Variants in MYO16 observed in about 807,000 individuals in gnomAD.
MYO16 encodes the protein unconventional myosin-XVI.
MYO16 carries 94 observed loss-of-function variants against 205.3 expected under a neutral mutation model. The observed-to-expected ratio is 0.46, with a 90% confidence interval of 0.39 to 0.54. The LOEUF is 0.54. Among genes scored for constraint, MYO16 ranks in the 20% least tolerant of loss-of-function variants. The pLI, the probability that MYO16 is intolerant of heterozygous loss-of-function variation, is 0.00. For missense variants in MYO16, 2,315 were observed against 2,387.5 expected, an observed-to-expected ratio of 0.97 and a Z score of 0.63; for synonymous variants, 988 against 954.0, an observed-to-expected ratio of 1.04 and a Z score of -0.66.
In MYO16 at chr13:109,178,140, G is replaced by A. The variant is rs527757898; in HGVS notation, c.5324-1402G>A. On this transcript the variant is annotated intron_variant, in intron 33 of 34. Transcript: ENST00000457511. Reference sequence around the variant, plus strand: ...ATCTTGGATTGACACACTCCCTTCCGCCTGTGTGAATTTCAGGCTGCTCTG... The same window carrying A: ...ATCTTGGATTGACACACTCCCTTCCACCTGTGTGAATTTCAGGCTGCTCTG... Among the ~76,000 whole-genome samples, 6 of 152,050 alleles carry A rather than the reference G, an allele frequency of 3.9e-5. No individual in the cohort carries two copies. In the East Asian group the frequency reaches 5.8e-4, roughly 15 times the overall value.
chr13:108,554,665 C>A, the MYO16 span, among the ~76,000 whole-genome samples: 11 of 151,994 alleles, frequency 7.2e-5, no homozygotes, highest in African/African-American at 2.4e-4. Context: ...CTGGCTAACA[C>A]GGTGAAACCC....
chr13:108,567,550 C>T, the MYO16 span, among the ~76,000 whole-genome samples: 2 of 152,192 alleles, frequency 1.3e-5, no homozygotes, highest in South Asian at 4.2e-4. Flanking sequence ...AACAGAACCA[C>T]AAAGAGGATA....
intron 4 of MYO16, among the ~76,000 whole-genome samples, chr13:108,769,246 A>G (rs1249928465): frequency 6.6e-6 from 1 of 152,194 alleles, no homozygotes; most frequent in Non-Finnish European, 1.5e-5. Context: ...GCTGTAAAGG[A>G]ACAAGCAATT....
chr13:108,771,380 T>C (rs1343058665), intron 4 of MYO16, among the ~76,000 whole-genome samples: 2 of 152,112 alleles, frequency 1.3e-5, no homozygotes, highest in Non-Finnish European at 2.9e-5. Flanking sequence ...ACAGCAAAAT[T>C]TGAGAGAAAT....
At chr13:108,587,501 GA>G in the MYO16 span, among the ~76,000 whole-genome samples, 3 of 152,130 alleles carry the variant, frequency 2.0e-5, no homozygotes, top group African/African-American at 7.2e-5. Context: ...TGTTATGTCA[GA>G]AATGTTATTC....
At chr13:108,868,306 TG>T (rs1456107721) in intron 12 of MYO16, among the ~76,000 whole-genome samples, 5 of 152,322 alleles carry the variant, frequency 3.3e-5, no homozygotes, top group Admixed American at 1.3e-4. Context: ...ATATTTCATT[TG>T]TTTACTTATC....
chr13:108,773,069 G>C lies in MYO16; in HGVS notation c.508-12566G>C, dbSNP rs185263122. ...CTAGTCTTCATAGTTGGCTATCTTC[G>C]TACTGTATCCTTACATGGTAGAAAA... On this transcript the variant is annotated intron_variant, in intron 4 of 34. Coordinates refer to ENST00000457511, the MANE Select transcript of MYO16 (RefSeq NM_001198950.3). Among the ~76,000 whole-genome samples, 17 of 152,218 alleles carry C rather than the reference G, an allele frequency of 1.1e-4. No homozygotes were observed. The East Asian group carries it at 3.1e-3, about 28-fold the overall frequency.
Position 109,055,368 on chromosome 13 carries a change from T to G in MYO16, c.3130-22T>G. On this transcript the variant is annotated intron_variant, in intron 26 of 34. Transcript: ENST00000457511. The surrounding 1 kb of genome is among the most constrained non-coding windows in gnomAD (Gnocchi z 5.0). ...CTAGTGTCTCCTTTGGAGAATCAGT[T>G]GGGTTCTACTTCTCTCCTTAGAAAT... The G allele has an allele frequency of 6.4e-7, 1 of 1,570,914 alleles. No homozygotes were observed. The highest frequency in any genetic ancestry group is 8.7e-7 in the Non-Finnish European group (1 of 1,145,432).
At chr13:108,922,210 A>G (rs1881775832) in intron 16 of MYO16, among the ~76,000 whole-genome samples, 2 of 152,116 alleles carry the variant, frequency 1.3e-5, no homozygotes, top group South Asian at 2.1e-4. Context: ...ATGAAAATCA[A>G]CCCAGCATTT....
intron 2 of MYO16, among the ~76,000 whole-genome samples, chr13:108,668,202 A>G (rs1025406001): frequency 2.0e-5 from 3 of 152,244 alleles, no homozygotes; most frequent in Admixed American, 6.5e-5. Flanking sequence ...TTCCCCAAAC[A>G]TTCATGTCAT....
the MYO16 span, among the ~76,000 whole-genome samples, chr13:108,499,791 C>G: frequency 6.6e-6 from 1 of 152,092 alleles, no homozygotes; most frequent in Non-Finnish European, 1.5e-5. Flanking sequence ...AATTATGTTT[C>G]TAAAAATAAT....
chr13:108,988,081 C>G (rs919703824), intron 20 of MYO16, among the ~76,000 whole-genome samples: 1 of 152,168 alleles, frequency 6.6e-6, no homozygotes, highest in Non-Finnish European at 1.5e-5. Context: ...TGAAACAGAT[C>G]ATCTAATTCA....
At chr13:108,820,272 G>T in intron 7 of MYO16, 65 bp from the exon 8 acceptor site, 1 of 1,188,522 alleles carries the variant, frequency 8.4e-7, no homozygotes, top group South Asian at 1.3e-5. Flanking sequence ...CACAGTGTAT[G>T]ACTTACTGAT....
chr13:108,943,832 G>A (rs1382703820), intron 16 of MYO16, among the ~76,000 whole-genome samples: 7 of 152,092 alleles, frequency 4.6e-5, no homozygotes, highest in Non-Finnish European at 5.9e-5. Context: ...TGATCCGCCC[G>A]CCTCGGCCTC....
Position 108,844,463 on chromosome 13 carries a change from C to A in MYO16, c.1218C>A (p.Pro406=). The A allele has an allele frequency of 1.2e-6, 2 of 1,611,374 alleles. No homozygotes were observed. The highest frequency in any genetic ancestry group is 1.7e-6 in the Non-Finnish European group (2 of 1,178,100). The change falls in exon 10 of 35, where the codon CCC becomes CCA. Residue 406 remains proline (P), a synonymous_variant. Coordinates refer to ENST00000457511, the MANE Select transcript of MYO16 (RefSeq NM_001198950.3). The part of the protein sequence containing the change: ...QQSQDSIPEN[P]MMSGSTKPEQ... ...CTCAGGACAGCATCCCTGAAAACCC[C>A]ATGATGAGCGGTTCCACCAAACCCG... is the stretch of plus-strand genomic sequence containing the variant.
chr13:109,085,174 C>A (rs1161495380), intron 27 of MYO16, among the ~76,000 whole-genome samples: 2 of 151,982 alleles, frequency 1.3e-5, no homozygotes, highest in Non-Finnish European at 2.9e-5. Flanking sequence ...GTCCTGGTGC[C>A]AAACTAAAAG....
At chr13:108,543,788 G>A in the MYO16 span, among the ~76,000 whole-genome samples, 1 of 145,172 alleles carries the variant, frequency 6.9e-6, no homozygotes, top group South Asian at 2.2e-4. Flanking sequence ...TGATAAGGCT[G>A]GGCATGGTGG....
At chr13:109,080,807 CAT>C (rs1888260137) in intron 27 of MYO16, among the ~76,000 whole-genome samples, 1 of 152,106 alleles carries the variant, frequency 6.6e-6, no homozygotes, top group South Asian at 2.1e-4. Flanking sequence ...TTACATTTCT[CAT>C]ATATTATCTC....
At chr13:108,545,062 T>C in the MYO16 span, among the ~76,000 whole-genome samples, 4 of 152,046 alleles carry the variant, frequency 2.6e-5, no homozygotes, top group African/African-American at 9.7e-5. Context: ...TACAGGTAAA[T>C]TATGTGTCAC....
Sources: allele counts gnomAD v4.1 joint callset (sites outside exome capture counted in the v4.1 genomes callset), GRCh38; gene constraint gnomAD v4.1.1; non-coding constraint Gnocchi (gnomAD v3.1); transcripts MANE v1.5; gene names NCBI Gene and HGNC (gene_info 2026-07-23, HGNC 2026-07-21).